The following NRG3 variants were observed in gnomAD, a reference collection of about 807,000 sequenced individuals.
NRG3 encodes the protein neuregulin 3.
A neutral mutation model predicts 66.9 loss-of-function variants in NRG3; 31 were observed. The observed-to-expected ratio is 0.46, with a 90% CI of 0.35 to 0.63. The LOEUF is 0.63. Ranked by LOEUF, NRG3 falls within the 20% of genes least tolerant of loss-of-function variation. NRG3 has a pLI of 0.00. For missense variants in NRG3, 910 were observed against 878.9 expected (o/e 1.04, Z -0.45); for synonymous variants, 393 against 359.4 (o/e 1.09, Z -1.06).
intron 1 of NRG3, among the ~76,000 whole-genome samples, chr10:82,197,471 T>A (rs1472528949): frequency 6.6e-6 from 1 of 152,110 alleles, no homozygotes; most frequent in Non-Finnish European, 1.5e-5. Context: ...GAAAATTAAG[T>A]AATATATGCA....
intron 2 of NRG3, among the ~76,000 whole-genome samples, chr10:82,666,532 A>T (rs931257770): frequency 2.6e-5 from 4 of 152,042 alleles, no homozygotes; most frequent in Non-Finnish European, 2.9e-5. Context: ...AAAAAAATTG[A>T]TTTTCTGTCT....
At chr10:82,076,802 C>T (rs922290705) in intron 1 of NRG3, among the ~76,000 whole-genome samples, 5 of 152,216 alleles carry the variant, frequency 3.3e-5, no homozygotes, top group African/African-American at 1.2e-4. Flanking sequence ...TCTCATATAG[C>T]CTGCAGAACC....
chr10:82,100,537 G>A lies in NRG3; in HGVS notation c.823+224374G>A, dbSNP rs561354456. Among the ~76,000 whole-genome samples the A allele has an allele frequency of 1.5e-3, 223 of 152,186 alleles. 1 individual carries two copies. The highest frequency in any genetic ancestry group is 3.7e-3 in the Admixed American group (57 of 15,286). Reference sequence around the variant, plus strand: ...AAGCATTTGTTTTCTTTTGGTGTGAGTTGCATGATCAGGTTAAGGAAGTTC... The same window carrying A: ...AAGCATTTGTTTTCTTTTGGTGTGAATTGCATGATCAGGTTAAGGAAGTTC... On this transcript the variant is annotated intron_variant, in intron 1 of 8. Transcript: ENST00000372141.
chr10:82,166,211 A>G (rs188500494), intron 1 of NRG3, among the ~76,000 whole-genome samples: 1,960 of 152,052 alleles, frequency 0.013, 29 homozygotes, highest in Middle Eastern at 0.02. Flanking sequence ...TAGTAGAGAT[A>G]GGGTTTCTCC....
chr10:82,938,068 A>T (rs1161719844), intron 4 of NRG3, among the ~76,000 whole-genome samples: 1 of 152,222 alleles, frequency 6.6e-6, no homozygotes, highest in Non-Finnish European at 1.5e-5. Flanking sequence ...GTTGGGTCAA[A>T]TAAAATGTAT....
At chr10:82,588,989 A>G (rs1338678595) in intron 2 of NRG3, among the ~76,000 whole-genome samples, 1 of 152,128 alleles carries the variant, frequency 6.6e-6, no homozygotes, top group Non-Finnish European at 1.5e-5. Context: ...GTTGACCAGT[A>G]ATTAAGCTTA....
At chr10:82,493,645 T>C (rs189857739) in intron 2 of NRG3, among the ~76,000 whole-genome samples, 2 of 152,194 alleles carry the variant, frequency 1.3e-5, no homozygotes, top group Admixed American at 1.3e-4. Flanking sequence ...GGTATATACC[T>C]AGAAGAAAAT....
chr10:82,905,431 T>C (rs1844640482), intron 4 of NRG3, among the ~76,000 whole-genome samples: 1 of 152,188 alleles, frequency 6.6e-6, no homozygotes, highest in African/African-American at 2.4e-5. Context: ...TGTTCAGAAA[T>C]TGGGCTTCTA....
At chr10:82,785,372 A>C (rs901711200) in intron 3 of NRG3, among the ~76,000 whole-genome samples, 1 of 151,542 alleles carries the variant, frequency 6.6e-6, no homozygotes, top group African/African-American at 2.4e-5. Context: ...AAAAAATTAA[A>C]TTAAATTAAA....
chr10:82,179,974 C>T lies in NRG3; in HGVS notation c.824-178765C>T, dbSNP rs112243316. Among the ~76,000 whole-genome samples, 741 of 151,640 alleles carry T rather than the reference C, an allele frequency of 4.9e-3. 11 individuals carry two copies. Among genetic ancestry groups the T allele is most frequent in the African/African-American group, 0.017 (707 of 41,444 alleles). ...TTCTTCTCCTTGCTTAACTTTATTC[C>T]TAAGTGTTTTATTATTTTTAATGCT... On this transcript the variant is annotated intron_variant, in intron 1 of 8. Transcript: ENST00000372141.
intron 4 of NRG3, among the ~76,000 whole-genome samples, chr10:82,910,150 G>A (rs758300985): frequency 2.6e-5 from 4 of 152,110 alleles, no homozygotes; most frequent in Admixed American, 2.6e-4. Flanking sequence ...GATTCAACAC[G>A]CTGGCTGCAG....
At chr10:82,735,933 GATAAT>G (rs5786568) in intron 2 of NRG3, among the ~76,000 whole-genome samples, 83,641 of 151,110 alleles carry the variant, frequency 0.55, 23,573 homozygotes, top group Admixed American at 0.6. Flanking sequence ...AAAAAAGAAA[GATAAT>G]AGAATATTAA....
At chr10:82,288,634 G>A (rs574892397) in intron 1 of NRG3, among the ~76,000 whole-genome samples, 1 of 152,276 alleles carries the variant, frequency 6.6e-6, no homozygotes, top group East Asian at 1.9e-4. Context: ...TCCAAGTAGG[G>A]TGGATAAAAA....
chr10:82,604,323 C>T (rs1378582217), intron 2 of NRG3, among the ~76,000 whole-genome samples: 1 of 152,144 alleles, frequency 6.6e-6, no homozygotes, highest in Admixed American at 6.6e-5. Flanking sequence ...TGGTCTCTTT[C>T]ACCTTGCAAT....
intron 2 of NRG3, among the ~76,000 whole-genome samples, chr10:82,488,268 C>T (rs1047942203): frequency 6.6e-6 from 1 of 152,132 alleles, no homozygotes; most frequent in African/African-American, 2.4e-5. Context: ...AACTCATTTA[C>T]TCTTCACAGC....
intron 3 of NRG3, among the ~76,000 whole-genome samples, chr10:82,809,804 G>GT (rs966733440): frequency 1.3e-4 from 20 of 151,834 alleles, no homozygotes; most frequent in East Asian, 7.7e-4. Context: ...AGTTTTCCAG[G>GT]TTTTTTTCAG....
intron 1 of NRG3, among the ~76,000 whole-genome samples, chr10:81,950,898 G>A (rs980088517): frequency 6.6e-6 from 1 of 151,962 alleles, no homozygotes; most frequent in Non-Finnish European, 1.5e-5. Context: ...AGTCAATGTA[G>A]CCATAAACTG....
intron 1 of NRG3, among the ~76,000 whole-genome samples, chr10:82,270,109 T>C: frequency 6.6e-6 from 1 of 152,156 alleles, no homozygotes; most frequent in East Asian, 1.9e-4. Context: ...TTGCACAGCG[T>C]TTACTCTCTC....
intron 1 of NRG3, among the ~76,000 whole-genome samples, chr10:82,050,960 A>ACATTC (rs2063564146): frequency 6.6e-6 from 1 of 151,992 alleles, no homozygotes; most frequent in Admixed American, 6.6e-5. Flanking sequence ...TTTAGAGGGA[A>ACATTC]TTTATATTTT....
Sources: gnomAD v4.1 joint callset for allele counts (sites outside exome capture counted in the v4.1 genomes callset) on GRCh38, gnomAD v4.1.1 for gene constraint, MANE v1.5 for transcripts, NCBI Gene and HGNC (gene_info 2026-07-23, HGNC 2026-07-21) for gene names.